LPAR3: variants seen among roughly 807,000 people sequenced by gnomAD.
The protein encoded by LPAR3 is LPA receptor 3.
A neutral mutation model predicts 17.8 loss-of-function variants in LPAR3; 7 were observed. That is an observed-to-expected ratio of 0.39 (90% CI 0.22 to 0.74). LPAR3 has a LOEUF of 0.74. Among genes scored for constraint, LPAR3 ranks in the 30% least tolerant of loss-of-function variants. The pLI, the probability that LPAR3 is intolerant of heterozygous loss-of-function variation, is 0.40. For missense variants in LPAR3, 391 were observed against 453.4 expected, an observed-to-expected ratio of 0.86 and a Z score of 1.25; for synonymous variants, 179 against 179.9, an observed-to-expected ratio of 0.99 and a Z score of 0.04.
At chr1:84,833,455 C>G (rs1659332200) in intron 2 of LPAR3, among the ~76,000 whole-genome samples, 1 of 152,282 alleles carries the variant, frequency 6.6e-6, no homozygotes, top group South Asian at 2.1e-4. Context: ...TTGGTAAGGA[C>G]TGAGCGAGAG....
chr1:84,890,360 G>A (rs1010746522), intron 1 of LPAR3, among the ~76,000 whole-genome samples: 2 of 152,228 alleles, frequency 1.3e-5, no homozygotes, highest in African/African-American at 4.8e-5. Context: ...GTTTACACAA[G>A]TGTTAATACT....
At chr1:84,860,784 G>A (rs959204593) in intron 2 of LPAR3, among the ~76,000 whole-genome samples, 2 of 147,430 alleles carry the variant, frequency 1.4e-5, no homozygotes, top group African/African-American at 5.0e-5. Flanking sequence ...TGTCACCCAG[G>A]CTGGAGTGCG....
intron 2 of LPAR3, among the ~76,000 whole-genome samples, chr1:84,814,854 T>C (rs1390659247): frequency 1.3e-5 from 2 of 152,226 alleles, no homozygotes; most frequent in Non-Finnish European, 2.9e-5. Context: ...CATGATGAGA[T>C]AGTTAAAAAT....
At chr1:84,832,907 A>C (rs1659316013) in intron 2 of LPAR3, among the ~76,000 whole-genome samples, 2 of 152,260 alleles carry the variant, frequency 1.3e-5, no homozygotes, top group African/African-American at 2.4e-5. Context: ...TCTATTTAAA[A>C]AGTTACTTGT....
intron 2 of LPAR3, among the ~76,000 whole-genome samples, chr1:84,859,984 C>A (rs998626220): frequency 6.6e-6 from 1 of 152,218 alleles, no homozygotes; most frequent in Non-Finnish European, 1.5e-5. Flanking sequence ...AAAACCCTTT[C>A]TTAGGCAGGG....
At chr1:84,870,391 A>T (rs904768141) in intron 1 of LPAR3, among the ~76,000 whole-genome samples, 18 of 152,230 alleles carry the variant, frequency 1.2e-4, no homozygotes, top group African/African-American at 2.7e-4. Context: ...GCTCATATCT[A>T]CAGGATCAGT....
intron 2 of LPAR3, among the ~76,000 whole-genome samples, chr1:84,845,496 T>C (rs1319335801): frequency 6.6e-6 from 1 of 152,188 alleles, no homozygotes; most frequent in African/African-American, 2.4e-5. Flanking sequence ...CTGTAAACTA[T>C]AAATCTGTCA....
At chr1:84,873,139 T>C (rs1022669879) in intron 1 of LPAR3, among the ~76,000 whole-genome samples, 1 of 152,026 alleles carries the variant, frequency 6.6e-6, no homozygotes, top group African/African-American at 2.4e-5. Flanking sequence ...AGAATAAGGA[T>C]CCTGGGTGGG....
chr1:84,840,668 C>A (rs978958380), intron 2 of LPAR3, among the ~76,000 whole-genome samples: 5 of 152,136 alleles, frequency 3.3e-5, no homozygotes, highest in African/African-American at 1.2e-4. Context: ...TATGAGGAAA[C>A]TTTTCTGAAC....
chr1:84,870,645 T>G (rs1360865738), intron 1 of LPAR3, among the ~76,000 whole-genome samples: 2 of 152,196 alleles, frequency 1.3e-5, no homozygotes, highest in African/African-American at 4.8e-5. Flanking sequence ...ACTAAGCATT[T>G]TACATGGATT....
intron 2 of LPAR3, among the ~76,000 whole-genome samples, chr1:84,850,196 A>G (rs1002008691): frequency 6.6e-6 from 1 of 152,070 alleles, no homozygotes; most frequent in African/African-American, 2.4e-5. Context: ...ATTATGTAGC[A>G]GGCTGTCAGC....
At chr1:84,886,265 A>G (rs1286886744) in intron 1 of LPAR3, among the ~76,000 whole-genome samples, 1 of 152,198 alleles carries the variant, frequency 6.6e-6, no homozygotes, top group Non-Finnish European at 1.5e-5. Context: ...GGTAGCTCAT[A>G]CCTGTAATCC....
At chr1:84,842,165 A>G (rs1317195769) in intron 2 of LPAR3, among the ~76,000 whole-genome samples, 5 of 152,190 alleles carry the variant, frequency 3.3e-5, no homozygotes, top group Non-Finnish European at 7.3e-5. Context: ...ATGAGACACT[A>G]GTGTTCCTCT....
chr1:84,826,983 T>A (rs1659170664), intron 2 of LPAR3, among the ~76,000 whole-genome samples: 1 of 152,230 alleles, frequency 6.6e-6, no homozygotes, highest in African/African-American at 2.4e-5. Flanking sequence ...GTTAAGAAAC[T>A]CTAAAGTCAT....
At chr1:84,869,092 C>A (rs1660108459) in intron 1 of LPAR3, among the ~76,000 whole-genome samples, 1 of 152,064 alleles carries the variant, frequency 6.6e-6, no homozygotes. Flanking sequence ...AATTAAGACA[C>A]TACAAAAATA....
intron 2 of LPAR3, among the ~76,000 whole-genome samples, chr1:84,823,045 G>C (rs575680751): frequency 6.6e-5 from 10 of 152,134 alleles, no homozygotes; most frequent in Non-Finnish European, 1.5e-5. Context: ...CTAGTAAGCC[G>C]CAGGGCCATC....
intron 2 of LPAR3, among the ~76,000 whole-genome samples, chr1:84,849,023 T>C (rs1031330418): frequency 6.6e-6 from 1 of 152,124 alleles, no homozygotes; most frequent in Non-Finnish European, 1.5e-5. Flanking sequence ...ACCAAGGAGC[T>C]TGGAACATAT....
intron 2 of LPAR3, among the ~76,000 whole-genome samples, chr1:84,832,071 T>G (rs1570866321): frequency 6.6e-6 from 1 of 152,040 alleles, no homozygotes; most frequent in Non-Finnish European, 1.5e-5. Flanking sequence ...TACTGAAAAT[T>G]TGACCGAACT....
chr1:84,882,360 C>A (rs1660381453), intron 1 of LPAR3, among the ~76,000 whole-genome samples: 1 of 152,230 alleles, frequency 6.6e-6, no homozygotes, highest in Non-Finnish European at 1.5e-5. Flanking sequence ...GAGGTAAATA[C>A]ATTTCATGTT....
Sources: allele counts gnomAD v4.1 joint callset (sites outside exome capture counted in the v4.1 genomes callset), GRCh38; gene constraint gnomAD v4.1.1; transcripts MANE v1.5; gene names NCBI Gene and HGNC (gene_info 2026-07-23, HGNC 2026-07-21).